SERPINI1: variants seen among roughly 807,000 people sequenced by gnomAD.
The protein encoded by SERPINI1 is neuroserpin.
Under a neutral mutation model 41.1 loss-of-function variants are expected in SERPINI1, and 19 were observed. That is an observed-to-expected ratio of 0.46 (90% CI 0.32 to 0.68). The LOEUF is 0.68. Ranked by LOEUF, SERPINI1 falls within the 30% of genes least tolerant of loss-of-function variation. The pLI is 0.03. For synonymous variants in SERPINI1, 138 were observed against 156.6 expected (o/e 0.88, Z 0.89); for missense variants, 460 against 479.2 (o/e 0.96, Z 0.37).
intron 5 of SERPINI1, among the ~76,000 whole-genome samples, chr3:167,803,319 A>G (rs964111152): frequency 4.1e-5 from 6 of 146,528 alleles, no homozygotes; most frequent in Admixed American, 3.4e-4. Context: ...AAATAAGACA[A>G]TAGATTTGGC....
intron 5 of SERPINI1, among the ~76,000 whole-genome samples, chr3:167,803,640 G>C (rs1300139060): frequency 6.6e-6 from 1 of 152,042 alleles, no homozygotes; most frequent in African/African-American, 2.4e-5. Flanking sequence ...CGCCTGGATC[G>C]GTCACTCATC....
chr3:167,799,980 G>A (rs1368013977), intron 5 of SERPINI1: 1 of 152,104 alleles, frequency 6.6e-6, no homozygotes, highest in Non-Finnish European at 1.5e-5. Context: ...AAAGGGGAGG[G>A]TATATGCAGG....
intron 1 of SERPINI1, among the ~76,000 whole-genome samples, chr3:167,772,453 C>G (rs1038881549): frequency 2.0e-5 from 3 of 152,084 alleles, no homozygotes; most frequent in Admixed American, 2.0e-4. Flanking sequence ...TCAAGTTGAG[C>G]TTTGCCTCTT....
In SERPINI1 at chr3:167,771,223, A is replaced by C. The variant is rs565293396; in HGVS notation, c.-18-17888A>C. On this transcript the variant is annotated intron_variant, in intron 1 of 8. Coordinates refer to ENST00000446050, the MANE Select transcript of SERPINI1 (RefSeq NM_001122752.2). ...ACCTGTGAAATGCTATATATCTGAAATTACTTGTTGTGGCATTATTTATGT... is the reference window on the plus strand; with the variant it reads ...ACCTGTGAAATGCTATATATCTGAACTTACTTGTTGTGGCATTATTTATGT... Among the ~76,000 whole-genome samples, 4 of 152,300 alleles carry C rather than the reference A, an allele frequency of 2.6e-5. No homozygotes were observed. In the South Asian group the frequency reaches 8.3e-4, roughly 32 times the overall value.
At chr3:167,810,913 A>C (rs1016936816) in intron 6 of SERPINI1, among the ~76,000 whole-genome samples, 5 of 151,152 alleles carry the variant, frequency 3.3e-5, no homozygotes, top group African/African-American at 4.9e-5. Context: ...CTTCACCAGG[A>C]GTAGATCTCA....
intron 1 of SERPINI1, among the ~76,000 whole-genome samples, chr3:167,778,849 A>G (rs1001730300): frequency 3.3e-5 from 5 of 152,240 alleles, no homozygotes; most frequent in African/African-American, 1.2e-4. Context: ...AAGTTAAGCC[A>G]TAAGCTAAAT....
At chr3:167,767,583 T>C (rs1169765195) in intron 1 of SERPINI1, among the ~76,000 whole-genome samples, 2 of 152,224 alleles carry the variant, frequency 1.3e-5, no homozygotes, top group East Asian at 3.8e-4. Flanking sequence ...TTGAAATTTT[T>C]CTGGAAAGGA....
rs1260785031 is a variant in SERPINI1 at position 167,792,642 on chromosome 3, G to C, written c.534G>C (p.Leu178=). 2 of 1,613,652 alleles carry C rather than the reference G, an allele frequency of 1.2e-6. No homozygotes were observed. The part of the protein sequence containing the change: ...SPRDFDAATY[L]ALINAVYFKG... ...GGGATTTTGATGCTGCCACTTATCTGGCCCTCATTAATGCTGTCTATTTCA... is the reference window on the plus strand; with the variant it reads ...GGGATTTTGATGCTGCCACTTATCTCGCCCTCATTAATGCTGTCTATTTCA... The change falls in exon 4 of 9, where the codon CTG becomes CTC. Residue 178 remains leucine (L), a synonymous_variant. Transcript: ENST00000446050.
intron 4 of SERPINI1, 126 bp downstream of exon 4, chr3:167,792,910 C>A: frequency 2.5e-6 from 2 of 794,044 alleles, no homozygotes; most frequent in Non-Finnish European, 2.1e-6. Flanking sequence ...AATTTTTTGG[C>A]TCCATTTTAA....
chr3:167,762,940 A>G (rs1726433600), intron 1 of SERPINI1, among the ~76,000 whole-genome samples: 1 of 151,964 alleles, frequency 6.6e-6, no homozygotes, highest in Non-Finnish European at 1.5e-5. Flanking sequence ...CAAGGAGGGG[A>G]TGTTGGGAAG....
chr3:167,750,271 T>C (rs766794272), intron 1 of SERPINI1, among the ~76,000 whole-genome samples: 1 of 152,206 alleles, frequency 6.6e-6, no homozygotes, highest in Non-Finnish European at 1.5e-5. Flanking sequence ...AATGTCTGTT[T>C]CAGAAATGTG....
At chr3:167,767,286 A>G (rs1411328351) in intron 1 of SERPINI1, among the ~76,000 whole-genome samples, 3 of 152,194 alleles carry the variant, frequency 2.0e-5, no homozygotes, top group Admixed American at 2.0e-4. Context: ...GTTTTGCAGC[A>G]TGACTTAGTG....
chr3:167,821,391 G>A (rs1018329083), intron 6 of SERPINI1, among the ~76,000 whole-genome samples: 2 of 152,120 alleles, frequency 1.3e-5, no homozygotes, highest in African/African-American at 4.8e-5. Flanking sequence ...GCTTCCAAAC[G>A]CCACCACATT....
intron 4 of SERPINI1, among the ~76,000 whole-genome samples, chr3:167,794,398 T>C (rs1278865947): frequency 6.6e-6 from 1 of 152,136 alleles, no homozygotes; most frequent in East Asian, 1.9e-4. Flanking sequence ...TATAACAAAT[T>C]TAAACCTTTT....
At chr3:167,790,729 A>G in intron 3 of SERPINI1, 127 bp downstream of exon 3, 3 of 699,258 alleles carry the variant, frequency 4.3e-6, no homozygotes, top group Non-Finnish European at 5.1e-6. Context: ...GTATCTAATA[A>G]TTATTTTGTA....
intron 6 of SERPINI1, among the ~76,000 whole-genome samples, chr3:167,821,932 C>T (rs530322885): frequency 5.3e-5 from 8 of 152,180 alleles, no homozygotes; most frequent in Non-Finnish European, 1.0e-4. Context: ...GGCAGAATTC[C>T]TCCTTGCTTG....
intron 8 of SERPINI1, 47 bp downstream of exon 8, chr3:167,824,609 A>G (rs1450435875): frequency 7.2e-6 from 9 of 1,243,980 alleles, no homozygotes; most frequent in Non-Finnish European, 1.1e-5. Context: ...GTCACAAAGA[A>G]CCTCTTTTTT....
intron 3 of SERPINI1, 111 bp from the exon 4 acceptor site, chr3:167,792,479 G>A: frequency 1.3e-6 from 1 of 770,960 alleles, no homozygotes; most frequent in East Asian, 2.7e-5. Flanking sequence ...TGTAAATTTG[G>A]TGTACAGTTT....
chr3:167,788,557 A>G (rs1045731568), intron 1 of SERPINI1, among the ~76,000 whole-genome samples: 3 of 152,198 alleles, frequency 2.0e-5, no homozygotes, highest in African/African-American at 4.8e-5. Flanking sequence ...GGATGTGCTG[A>G]GTCTGCTCCT....
Sources: gnomAD v4.1 joint callset for allele counts (sites outside exome capture counted in the v4.1 genomes callset) on GRCh38, gnomAD v4.1.1 for gene constraint, MANE v1.5 for transcripts, NCBI Gene and HGNC (gene_info 2026-07-23, HGNC 2026-07-21) for gene names.